PRIMPOL: variants seen among roughly 807,000 people sequenced by gnomAD.
The protein encoded by PRIMPOL is primase and DNA directed polymerase, also known as DNA-directed primase/polymerase protein.
In PRIMPOL, 54 loss-of-function variants were observed where a neutral mutation model predicts 63.6. That is an observed-to-expected ratio of 0.85 (90% CI 0.68 to 1.07). PRIMPOL has a LOEUF of 1.07. Ranked by LOEUF, PRIMPOL falls within the 50% of genes least tolerant of loss-of-function variation. PRIMPOL has a pLI of 0.00. For synonymous variants in PRIMPOL, 197 were observed against 220.2 expected (o/e 0.89, Z 0.93); for missense variants, 610 against 648.3 (o/e 0.94, Z 0.64).
chr4:184,654,994 A>ATG (rs1438304852), intron 2 of PRIMPOL, among the ~76,000 whole-genome samples: 1 of 151,764 alleles, frequency 6.6e-6, no homozygotes, highest in Non-Finnish European at 1.5e-5. Flanking sequence ...CAAGGTCATG[A>ATG]TGTACTATCC....
chr4:184,659,732 A>G (rs1747733126), intron 4 of PRIMPOL, among the ~76,000 whole-genome samples: 1 of 152,212 alleles, frequency 6.6e-6, no homozygotes, highest in African/African-American at 2.4e-5. Context: ...ACAAAGGAAT[A>G]TTTATGTTAC....
intron 7 of PRIMPOL, among the ~76,000 whole-genome samples, chr4:184,674,480 A>G (rs1348096332): frequency 6.6e-6 from 1 of 152,098 alleles, no homozygotes; most frequent in Non-Finnish European, 1.5e-5. Flanking sequence ...GTCCTCTAAC[A>G]CTGTGGGTTA....
intron 7 of PRIMPOL, among the ~76,000 whole-genome samples, chr4:184,674,327 G>GA (rs1039791623): frequency 6.6e-6 from 1 of 152,132 alleles, no homozygotes; most frequent in African/African-American, 2.4e-5. Flanking sequence ...CATTTATACA[G>GA]AAAAATATGT....
intron 6 of PRIMPOL, among the ~76,000 whole-genome samples, chr4:184,668,648 G>A (rs1750731124): frequency 1.3e-5 from 2 of 152,150 alleles, no homozygotes; most frequent in Non-Finnish European, 1.5e-5. Context: ...GTGAGAAGCT[G>A]TTTCTGTCAT....
Position 184,694,599 on chromosome 4 carries a change from C to A in PRIMPOL, c.1503C>A (p.Ser501Arg). 4 of 1,614,132 alleles carry A rather than the reference C, an allele frequency of 2.5e-6. No homozygotes were observed. The highest frequency in any genetic ancestry group is 3.4e-6 in the Non-Finnish European group (4 of 1,179,970). ...AGAATCCTCATAAACCATCACCTAG[C>A]AGGCTGTCAACAGGTGCATCTGCTG... ...ETQNPHKPSP[S>R]RLSTGASADA... Residue 501 changes from serine (S) to arginine (R), a missense_variant, in exon 14 of 14, where the codon AGC becomes AGA. By Grantham distance (110) the Ser-to-Arg change is moderately radical. This residue lies in a region of PRIMPOL where 444 missense variants were observed against 456.4 expected (regional missense o/e 0.97). Coordinates refer to ENST00000314970, the MANE Select transcript of PRIMPOL (RefSeq NM_152683.4).
intron 2 of PRIMPOL, among the ~76,000 whole-genome samples, 158 bp downstream of exon 2, chr4:184,652,258 T>C (rs919757275): frequency 7.2e-5 from 11 of 152,166 alleles, no homozygotes; most frequent in Non-Finnish European, 1.6e-4. Context: ...TTAGACTTCG[T>C]GACGTTAGTT....
chr4:184,662,115 G>A (rs9992401), intron 5 of PRIMPOL, among the ~76,000 whole-genome samples: 11,216 of 152,074 alleles, frequency 0.074, 1,372 homozygotes, highest in African/African-American at 0.25. Flanking sequence ...TTGCAATTTT[G>A]CTGTCTGGTA....
intron 4 of PRIMPOL, among the ~76,000 whole-genome samples, chr4:184,660,172 T>C (rs925736677): frequency 4.6e-5 from 7 of 151,474 alleles, no homozygotes; most frequent in Non-Finnish European, 2.9e-5. Context: ...TTTTTTTTTT[T>C]CTTTCTTTTT....
chr4:184,689,236 A>T (rs1579652758), intron 11 of PRIMPOL, among the ~76,000 whole-genome samples: 1 of 151,024 alleles, frequency 6.6e-6, no homozygotes, highest in African/African-American at 2.5e-5. Context: ...GTTAATTTTT[A>T]AATTTTTTGT....
At chr4:184,694,126 G>C (rs576489982) in intron 13 of PRIMPOL, 6 of 660,232 alleles carry the variant, frequency 9.1e-6, no homozygotes, top group Non-Finnish European at 1.1e-5. Flanking sequence ...CCATGTTTAC[G>C]ATTTGCTAAA....
At chr4:184,664,996 A>G (rs1749447860) in intron 5 of PRIMPOL, among the ~76,000 whole-genome samples, 1 of 152,220 alleles carries the variant, frequency 6.6e-6, no homozygotes, top group South Asian at 2.1e-4. Context: ...CCAAAATATC[A>G]TTAAAAATAC....
rs373990491 is a variant in PRIMPOL at position 184,678,397 on chromosome 4, A to G, written c.1007+3A>G. On this transcript the variant is annotated splice_donor_region_variant and intron_variant, in intron 8 of 13. Coordinates refer to ENST00000314970, the MANE Select transcript of PRIMPOL (RefSeq NM_152683.4). ...TCTTCTTTGGTCAGCAATGTCAGGT[A>G]TGTAGTAGCAGCATCAAACCATTTT... is the stretch of plus-strand genomic sequence containing the variant. 12 of 1,594,862 alleles carry G rather than the reference A, an allele frequency of 7.5e-6. No individual in the cohort carries two copies. Among genetic ancestry groups the G allele is most frequent in the South Asian group, 6.9e-5 (6 of 87,156 alleles).
At chr4:184,692,045 G>C (rs529564666) in intron 13 of PRIMPOL, among the ~76,000 whole-genome samples, 10 of 152,192 alleles carry the variant, frequency 6.6e-5, no homozygotes, top group African/African-American at 2.4e-4. Context: ...TGAATTTCTA[G>C]AAGTAGAATT....
intron 7 of PRIMPOL, among the ~76,000 whole-genome samples, chr4:184,674,640 T>G (rs1363624264): frequency 6.6e-6 from 1 of 152,238 alleles, no homozygotes; most frequent in Non-Finnish European, 1.5e-5. Flanking sequence ...TAGCCTACTC[T>G]TGACCGGAAG....
chr4:184,666,250 G>A (rs575030155), intron 6 of PRIMPOL, among the ~76,000 whole-genome samples, 186 bp downstream of exon 6: 1 of 152,302 alleles, frequency 6.6e-6, no homozygotes, highest in East Asian at 1.9e-4. Context: ...ATGGTGGGCG[G>A]CTCACTTGAG....
At position 184,668,264 on chromosome 4, in the gene PRIMPOL, G is replaced by A. The variant is rs891948726; in HGVS notation, c.556+2200G>A. ...CCTTCCCCAGAGTCACATCTTCTCC[G>A]TGATGTGTGTATCAGTGAGTGGTGT... is the stretch of plus-strand genomic sequence containing the variant. On this transcript the variant is annotated intron_variant, in intron 6 of 13. Coordinates refer to ENST00000314970, the MANE Select transcript of PRIMPOL (RefSeq NM_152683.4). Among the ~76,000 whole-genome samples the A allele has an allele frequency of 3.9e-5, 6 of 152,174 alleles. No individual in the cohort carries two copies. In the South Asian group the frequency reaches 6.2e-4, roughly 16 times the overall value.
At chr4:184,667,467 T>G (rs11729146) in intron 6 of PRIMPOL, among the ~76,000 whole-genome samples, 12 of 152,090 alleles carry the variant, frequency 7.9e-5, no homozygotes, top group South Asian at 4.1e-4. Context: ...TGTGCCACCA[T>G]GCCCGGCTAA....
Position 184,691,503 on chromosome 4 carries a change from C to A in PRIMPOL, c.1300C>A (p.Leu434Met). 6.4e-7 allele frequency: 1 copy of A among 1,556,864 alleles called. No individual in the cohort carries two copies. The highest frequency in any genetic ancestry group is 8.8e-7 in the Non-Finnish European group (1 of 1,138,120). ...RAHKSNNIMI[L>M]VDLKNEVWYQ... ...TTTTTTTTTTTAAACATAAAGGATT[C>A]TGGTTGATCTGAAAAATGAAGTTTG... is the stretch of plus-strand genomic sequence containing the variant. Residue 434 changes from leucine (L) to methionine (M), a missense_variant, in exon 12 of 14, where the codon CTG (leucine) becomes ATG (methionine). Coordinates refer to ENST00000314970, the MANE Select transcript of PRIMPOL (RefSeq NM_152683.4).
At chr4:184,674,751 A>G (rs1752821743) in intron 7 of PRIMPOL, among the ~76,000 whole-genome samples, 1 of 152,242 alleles carries the variant, frequency 6.6e-6, no homozygotes, top group South Asian at 2.1e-4. Flanking sequence ...AATGTTGTTA[A>G]GAAAATCATA....
Sources: gnomAD v4.1 joint callset for allele counts (sites outside exome capture counted in the v4.1 genomes callset) on GRCh38, gnomAD v4.1.1 for gene constraint, gnomAD v4.1.1 regional missense constraint, MANE v1.5 for transcripts, NCBI Gene and HGNC (gene_info 2026-07-23, HGNC 2026-07-21) for gene names.